VWA8: variants seen among roughly 807,000 people sequenced by gnomAD.
VWA8 encodes the protein von Willebrand factor A domain containing 8, also known as von Willebrand factor A domain-containing protein 8.
Under a neutral mutation model 241.5 loss-of-function variants are expected in VWA8, and 221 were observed. That is an observed-to-expected ratio of 0.91 (90% CI 0.82 to 1.02). The LOEUF (loss-of-function observed/expected upper bound fraction) is 1.02, where lower values mean the gene tolerates loss of function less well. VWA8 is among the 50% of genes least tolerant of loss of function. VWA8 has a pLI of 0.00. For missense variants in VWA8, 2,322 were observed against 2,328.7 expected (o/e 1.00, Z 0.06); for synonymous variants, 852 against 827.1 (o/e 1.03, Z -0.52).
chr13:41,571,912 T>C (rs2044308177), intron 43 of VWA8, among the ~76,000 whole-genome samples: 2 of 151,960 alleles, frequency 1.3e-5, no homozygotes, highest in Non-Finnish European at 2.9e-5. Flanking sequence ...GGAGTGTCTC[T>C]GCCCGGCCGC....
At chr13:41,760,222 G>T (rs1299859757) in intron 21 of VWA8, among the ~76,000 whole-genome samples, 1 of 151,704 alleles carries the variant, frequency 6.6e-6, no homozygotes, top group African/African-American at 2.4e-5. Context: ...TATTGTGGTA[G>T]GGCTAATCTG....
chr13:41,751,934 T>C (rs896494256), intron 21 of VWA8, among the ~76,000 whole-genome samples: 2 of 152,142 alleles, frequency 1.3e-5, no homozygotes, highest in Non-Finnish European at 2.9e-5. Flanking sequence ...AATTAGCACA[T>C]ATCAAGTCAT....
intron 37 of VWA8, among the ~76,000 whole-genome samples, chr13:41,646,236 G>A (rs544758098): frequency 1.3e-5 from 2 of 152,202 alleles, no homozygotes; most frequent in East Asian, 1.9e-4. Context: ...AAAGTGCTGG[G>A]ATTACAGGTG....
At chr13:41,596,068 AAATT>A (rs1211522877) in intron 40 of VWA8, among the ~76,000 whole-genome samples, 1 of 152,138 alleles carries the variant, frequency 6.6e-6, no homozygotes, top group Non-Finnish European at 1.5e-5. Flanking sequence ...ATTTGCAGAT[AAATT>A]AATTACTTTT....
intron 26 of VWA8, among the ~76,000 whole-genome samples, chr13:41,704,958 T>A (rs2045273562): frequency 6.6e-6 from 1 of 152,218 alleles, no homozygotes; most frequent in South Asian, 2.1e-4. Context: ...TAGAAATTAT[T>A]TTATTTAAAG....
At chr13:41,802,969 G>T (rs1327923537) in intron 17 of VWA8, among the ~76,000 whole-genome samples, 1 of 152,242 alleles carries the variant, frequency 6.6e-6, no homozygotes, top group Non-Finnish European at 1.5e-5. Context: ...CATGGAGAGA[G>T]AGATTCCATT....
intron 12 of VWA8, among the ~76,000 whole-genome samples, chr13:41,835,000 G>A (rs971302655): frequency 6.6e-6 from 1 of 152,030 alleles, no homozygotes; most frequent in Admixed American, 6.6e-5. Context: ...CAAATACCAC[G>A]TGTTCTCACT....
intron 21 of VWA8, among the ~76,000 whole-genome samples, chr13:41,753,985 C>T (rs1474932637): frequency 6.6e-6 from 1 of 151,932 alleles, no homozygotes; most frequent in African/African-American, 2.4e-5. Context: ...AAATGTAGCC[C>T]TAAAGCTGTA....
chr13:41,604,649 G>A (rs2044541839), intron 40 of VWA8, among the ~76,000 whole-genome samples: 1 of 152,108 alleles, frequency 6.6e-6, no homozygotes, highest in African/African-American at 2.4e-5. Flanking sequence ...GAGTAGAATG[G>A]AGAAACAGGG....
At chr13:41,908,535 T>A (rs1433192106) in intron 3 of VWA8, among the ~76,000 whole-genome samples, 2 of 151,424 alleles carry the variant, frequency 1.3e-5, no homozygotes, top group Non-Finnish European at 2.9e-5. Context: ...CATGCATAGT[T>A]GTAGGAGAAG....
At chr13:41,792,904 G>A (rs1230260226) in intron 17 of VWA8, among the ~76,000 whole-genome samples, 1 of 151,884 alleles carries the variant, frequency 6.6e-6, no homozygotes, top group Non-Finnish European at 1.5e-5. Flanking sequence ...ATTGATTTGG[G>A]AGTATAAATA....
rs348238 is a variant in VWA8, at chr13:41,567,634, A to C, written c.*563T>G. On this transcript the variant is annotated 3_prime_UTR_variant, in exon 45 of 45. Coordinates refer to ENST00000379310, the MANE Select transcript of VWA8 (RefSeq NM_015058.2). ...AAATGAAATTATTGAGAACAGCCAG[A>C]CTTTCATAAGATATTGCTGTTGGAG... 0.97 allele frequency: 148,243 copies of C among 152,334 alleles called. 72,256 individuals carry two copies. Among genetic ancestry groups the C allele is most frequent in the East Asian group, 1 (5,190 of 5,190 alleles). 9.4% of individuals were successfully genotyped at this position (152,334 alleles called of 1,614,324 possible).
chr13:41,949,663 T>C (rs998299599), intron 2 of VWA8, among the ~76,000 whole-genome samples: 3 of 152,144 alleles, frequency 2.0e-5, no homozygotes, highest in African/African-American at 7.2e-5. Flanking sequence ...ATGTAAATCT[T>C]ATTCCAGGTA....
intron 2 of VWA8, among the ~76,000 whole-genome samples, chr13:41,938,825 A>G (rs1208368292): frequency 1.3e-5 from 2 of 152,206 alleles, no homozygotes; most frequent in Non-Finnish European, 2.9e-5. Context: ...ACACTTTCCC[A>G]GTGAAGTTTT....
chr13:41,917,298 T>C (rs1876304986), intron 2 of VWA8, among the ~76,000 whole-genome samples: 1 of 152,056 alleles, frequency 6.6e-6, no homozygotes, highest in African/African-American at 2.4e-5. Context: ...CAGCATAATA[T>C]AATGGAGGAA....
rs145580145 is a variant in VWA8 at position 41,687,470 on chromosome 13, T to C, written c.4131+1884A>G. Among the ~76,000 whole-genome samples the C allele has an allele frequency of 9.2e-5, 14 of 152,268 alleles. No individual in the cohort carries two copies. The East Asian group carries it at 2.7e-3, about 29-fold the overall frequency. On this transcript the variant is annotated intron_variant, in intron 34 of 44. Transcript: ENST00000379310. ...AAGAGGTAGCATACTCATTTGTCAA[T>C]AGTTTCATACATAATCCAAAGAAGT...
chr13:41,625,739 C>A (rs928919331), intron 37 of VWA8, among the ~76,000 whole-genome samples: 1 of 151,774 alleles, frequency 6.6e-6, no homozygotes. Context: ...TGGGTATATG[C>A]CCAAAGGATT....
chr13:41,799,735 T>A (rs1243981105), intron 17 of VWA8, among the ~76,000 whole-genome samples: 1 of 152,194 alleles, frequency 6.6e-6, no homozygotes, highest in Non-Finnish European at 1.5e-5. Flanking sequence ...CTGGTATTGC[T>A]TTTTACTTCA....
At chr13:41,929,741 C>A (rs1877017183) in intron 2 of VWA8, among the ~76,000 whole-genome samples, 2 of 152,216 alleles carry the variant, frequency 1.3e-5, no homozygotes, top group South Asian at 4.2e-4. Flanking sequence ...TTAACCTATA[C>A]CATATACAAA....
Sources: gnomAD v4.1 joint callset for allele counts (sites outside exome capture counted in the v4.1 genomes callset) on GRCh38, gnomAD v4.1.1 for gene constraint, MANE v1.5 for transcripts, NCBI Gene and HGNC (gene_info 2026-07-23, HGNC 2026-07-21) for gene names.